Variants in TATDN2 observed in about 807,000 individuals in gnomAD.
The protein encoded by TATDN2 is 3'-5' RNA nuclease TATDN2.
TATDN2 carries 44 observed loss-of-function variants against 60.3 expected under a neutral mutation model. The observed-to-expected ratio is 0.73, with a 90% CI of 0.57 to 0.94. TATDN2 has a LOEUF of 0.94. Ranked by LOEUF, TATDN2 falls within the 40% of genes least tolerant of loss-of-function variation. The pLI, the probability that TATDN2 is intolerant of heterozygous loss-of-function variation, is 0.00. For missense variants in TATDN2, 997 were observed against 948.0 expected, an observed-to-expected ratio of 1.05 and a Z score of -0.68; for synonymous variants, 399 against 355.8, an observed-to-expected ratio of 1.12 and a Z score of -1.37.
intron 2 of TATDN2, among the ~76,000 whole-genome samples, chr3:10,257,028 C>T (rs1281217745): frequency 1.3e-5 from 2 of 151,820 alleles, no homozygotes; most frequent in Non-Finnish European, 2.9e-5. Context: ...GGCACGGTGG[C>T]TCATGCCTGT....
At chr3:10,272,581 G>A (rs1698582633) in intron 4 of TATDN2, among the ~76,000 whole-genome samples, 1 of 152,064 alleles carries the variant, frequency 6.6e-6, no homozygotes, top group Non-Finnish European at 1.5e-5. Flanking sequence ...TGGGATTATA[G>A]ACTCCCGCCA....
In TATDN2 at chr3:10,249,276, C is replaced by T; in HGVS notation, c.76C>T (p.Leu26Phe). The T allele has an allele frequency of 6.3e-7, 1 of 1,588,994 alleles. No individual in the cohort carries two copies. The highest frequency in any genetic ancestry group is 8.6e-7 in the Non-Finnish European group (1 of 1,165,722). Residue 26 changes from leucine to phenylalanine, a missense_variant, in exon 2 of 8, where the codon CTC (leucine) becomes TTC (phenylalanine). Physicochemically the swap from Leu to Phe is conservative, Grantham distance 22. Coordinates refer to ENST00000448281, the MANE Select transcript of TATDN2 (RefSeq NM_014760.4). ...AGGGTGTCCCCGCAAGCGCAGCTGC[C>T]TCCGGGAGCCCTGTGATGTGGCCCC... is the stretch of plus-strand genomic sequence containing the variant. ...SEGCPRKRSC[L>F]REPCDVAPSS... is the part of the protein sequence containing the mutation.
rs774447497 is a variant in TATDN2 at position 10,278,458 on chromosome 3, G to A, written c.2141G>A (p.Arg714His). ...ACGGATGCTCCCTATTTCCTCCCTC[G>A]CCAGGTAAGGGGGTCTTCAGGCTGA... The part of the protein sequence containing the change: ...VETDAPYFLP[R>H]QVPKSLCQYA... The change falls in exon 6 of 8, where the codon CGC becomes CAC. Residue 714 changes from arginine to histidine, a missense_variant. By Grantham distance (29) the Arg-to-His change is conservative (BLOSUM62 0). Transcript: ENST00000448281. This position sits in a 1 kb window ranked among gnomAD's most constrained non-coding sequence, Gnocchi z 4.7. 1.9e-6 allele frequency: 3 copies of A among 1,611,138 alleles called. No homozygotes were observed. Among genetic ancestry groups the A allele is most frequent in the South Asian group, 1.1e-5 (1 of 90,968 alleles).
At position 10,270,793 on chromosome 3, in the gene TATDN2, C is replaced by A; in HGVS notation, c.1611C>A (p.Phe537Leu). ...PKEFQGCISD[F>L]CDPRTLTDCL... The stretch of plus-strand genomic sequence containing the variant: ...AATTTCAGGGCTGCATCTCTGACTT[C>A]TGTGATCCCCGCACCCTGACAGATT... Residue 537 changes from phenylalanine (F) to leucine (L), a missense_variant, in exon 4 of 8, where the codon TTC (phenylalanine) becomes TTA (leucine). By Grantham distance (22) the Phe-to-Leu change is conservative. Coordinates refer to ENST00000448281, the MANE Select transcript of TATDN2 (RefSeq NM_014760.4). The A allele has an allele frequency of 6.2e-7, 1 of 1,614,232 alleles. No homozygotes were observed. Among genetic ancestry groups the A allele is most frequent in the South Asian group, 1.1e-5 (1 of 91,080 alleles).
chr3:10,270,196 G>A lies in TATDN2; in HGVS notation c.1014G>A (p.Glu338=). Residue 338 remains glutamate (E), a synonymous_variant, in exon 4 of 8, where the codon GAG becomes GAA. Transcript: ENST00000448281. ...SSGSDWSDVE[E]ISTVRFSQEE... The stretch of plus-strand genomic sequence containing the variant: ...GAAGTGACTGGTCTGATGTTGAGGA[G>A]ATCTCCACAGTCAGATTCTCTCAGG... The A allele has an allele frequency of 6.2e-7, 1 of 1,614,180 alleles. No homozygotes were observed. Among genetic ancestry groups the A allele is most frequent in the Non-Finnish European group, 8.5e-7 (1 of 1,180,030 alleles).
At chr3:10,266,623 C>A (rs1179133573) in intron 3 of TATDN2, among the ~76,000 whole-genome samples, 1 of 152,178 alleles carries the variant, frequency 6.6e-6, no homozygotes, top group Non-Finnish European at 1.5e-5. Flanking sequence ...GGGTTTACAG[C>A]CTCTGTTGCA....
At chr3:10,250,298 T>C (rs1194163626) in intron 2 of TATDN2, among the ~76,000 whole-genome samples, 2 of 152,004 alleles carry the variant, frequency 1.3e-5, no homozygotes, top group Non-Finnish European at 2.9e-5. Context: ...TTCGCTCATC[T>C]ACTCAATCAA....
chr3:10,262,547 T>TTTTC, intron 3 of TATDN2, among the ~76,000 whole-genome samples: 1 of 144,912 alleles, frequency 6.9e-6, no homozygotes, highest in Admixed American at 7.0e-5. Flanking sequence ...TTTTTTTTTT[T>TTTTC]TTTTGAGGTG....
At position 10,270,163 on chromosome 3, in the gene TATDN2, C is replaced by T. The variant is rs144375682; in HGVS notation, c.981C>T (p.Pro327=). Reference sequence around the variant, plus strand: ...ATAGGGAGGTGGTGATGGAGCACCCCTCTTCTGGAAGTGACTGGTCTGATG... The same window carrying T: ...ATAGGGAGGTGGTGATGGAGCACCCTTCTTCTGGAAGTGACTGGTCTGATG... The part of the protein sequence containing the change: ...HKDREVVMEH[P]SSGSDWSDVE... Residue 327 remains proline, a synonymous_variant, in exon 4 of 8, where the codon CCC becomes CCT. Transcript: ENST00000448281. 7 of 1,613,790 alleles carry T rather than the reference C, an allele frequency of 4.3e-6. No individual in the cohort carries two copies. In the South Asian group the frequency reaches 7.7e-5, roughly 18 times the overall value.
chr3:10,280,521 G>C lies in TATDN2; in HGVS notation c.*1339G>C, dbSNP rs1055580500. On this transcript the variant is annotated 3_prime_UTR_variant, in exon 8 of 8. Transcript: ENST00000448281. ...GTGGATAGATCACCTGGAGTCCCTC[G>C]TCTGTGGTCTTGGAGGCTTAAATTG... The C allele has an allele frequency of 6.5e-6, 1 of 153,790 alleles. No homozygotes were observed. Among genetic ancestry groups the C allele is most frequent in the Non-Finnish European group, 1.5e-5 (1 of 68,058 alleles). The allele number at this position is 153,790 out of a possible 1,614,324, so 9.5% of individuals were successfully genotyped here. A position where few individuals can be genotyped will look rare whatever the true frequency, so the allele number is the denominator to read the frequency against.
At chr3:10,260,802 C>A in intron 3 of TATDN2, 132 bp downstream of exon 3, 1 of 1,021,044 alleles carries the variant, frequency 9.8e-7, no homozygotes, top group Non-Finnish European at 1.4e-6. Flanking sequence ...AGGGAACAAA[C>A]TGATGGTTTT....
At chr3:10,272,644 T>C (rs978988647) in intron 4 of TATDN2, among the ~76,000 whole-genome samples, 5 of 151,966 alleles carry the variant, frequency 3.3e-5, no homozygotes, top group African/African-American at 1.2e-4. Flanking sequence ...AATCCCAGTA[T>C]TTTGGGAGGC....
At chr3:10,250,128 CAT>C (rs1576001452) in intron 2 of TATDN2, among the ~76,000 whole-genome samples, 1 of 150,082 alleles carries the variant, frequency 6.7e-6, no homozygotes, top group East Asian at 2.0e-4. Context: ...TCTCCAAAGT[CAT>C]AGTTTCCAGC....
chr3:10,257,173 T>C (rs1698319691), intron 2 of TATDN2, among the ~76,000 whole-genome samples: 1 of 150,930 alleles, frequency 6.6e-6, no homozygotes, highest in African/African-American at 2.4e-5. Flanking sequence ...TCCCAGCTAC[T>C]TGGGAGGGAG....
At chr3:10,265,139 T>C (rs1698459785) in intron 3 of TATDN2, among the ~76,000 whole-genome samples, 2 of 148,820 alleles carry the variant, frequency 1.3e-5, no homozygotes, top group Non-Finnish European at 3.0e-5. Flanking sequence ...TACAGTGGTG[T>C]GATCTCAGCT....
Position 10,278,144 on chromosome 3 carries a change from T to C in TATDN2, c.1962-135T>C, listed in dbSNP as rs534786921. Reference sequence around the variant, plus strand: ...GTTGGAGCCAGCCCTTGTCTGTGTTTACTGTGGAGTCCTTCCCTAGGATGC... The same window carrying C: ...GTTGGAGCCAGCCCTTGTCTGTGTTCACTGTGGAGTCCTTCCCTAGGATGC... On this transcript the variant is annotated intron_variant, in intron 5 of 7. Coordinates refer to ENST00000448281, the MANE Select transcript of TATDN2 (RefSeq NM_014760.4). The surrounding 1 kb of genome is among the most constrained non-coding windows in gnomAD (Gnocchi z 4.7). 2.2e-5 allele frequency: 23 copies of C among 1,036,928 alleles called. No homozygotes were observed. The East Asian group carries it at 2.9e-4, about 13-fold the overall frequency. The allele number at this position is 1,036,928 out of a possible 1,614,324, so 64.2% of individuals were successfully genotyped here.
intron 2 of TATDN2, among the ~76,000 whole-genome samples, chr3:10,253,906 C>T (rs1229069832): frequency 6.6e-6 from 1 of 152,216 alleles, no homozygotes; most frequent in African/African-American, 2.4e-5. Flanking sequence ...AGTCCAACTT[C>T]AAAGCCAGTG....
At chr3:10,264,005 C>G (rs968228971) in intron 3 of TATDN2, among the ~76,000 whole-genome samples, 2 of 152,082 alleles carry the variant, frequency 1.3e-5, no homozygotes, top group Admixed American at 1.3e-4. Flanking sequence ...GGGGCGGCTG[C>G]GGGGGCGGCG....
At chr3:10,272,798 G>C (rs996188963) in intron 4 of TATDN2, among the ~76,000 whole-genome samples, 1 of 151,794 alleles carries the variant, frequency 6.6e-6, no homozygotes, top group Non-Finnish European at 1.5e-5. Flanking sequence ...ACTTTGGGAG[G>C]CCAAGGCGAG....
Sources: allele counts gnomAD v4.1 joint callset (sites outside exome capture counted in the v4.1 genomes callset), GRCh38; gene constraint gnomAD v4.1.1; non-coding constraint Gnocchi (gnomAD v3.1); transcripts MANE v1.5; gene names NCBI Gene and HGNC (gene_info 2026-07-23, HGNC 2026-07-21).